Variants in MYO18B observed in about 807,000 individuals in gnomAD.
MYO18B encodes the protein myosin XVIIIB.
In MYO18B, 204 loss-of-function variants were observed where a neutral mutation model predicts 273.0. The observed-to-expected ratio is 0.75, with a 90% confidence interval of 0.67 to 0.84. MYO18B has a LOEUF of 0.84. Among genes scored for constraint, MYO18B ranks in the 40% least tolerant of loss-of-function variants. The probability of loss-of-function intolerance (pLI) is 0.00; values close to 1 mark genes in which losing one functional copy is unlikely to be tolerated. For synonymous variants in MYO18B, 1,330 were observed against 1,305.7 expected, an observed-to-expected ratio of 1.02 and a Z score of -0.40; for missense variants, 3,212 against 3,287.6, an observed-to-expected ratio of 0.98 and a Z score of 0.56.
chr22:25,975,366 G>C (rs1245058323), intron 39 of MYO18B, among the ~76,000 whole-genome samples: 2 of 152,102 alleles, frequency 1.3e-5, no homozygotes, highest in Non-Finnish European at 2.9e-5. Context: ...ATGTTCCGCC[G>C]CTGTGAGCCC....
chr22:25,776,614 AC>A (rs2086924621), intron 7 of MYO18B, among the ~76,000 whole-genome samples: 1 of 152,118 alleles, frequency 6.6e-6, no homozygotes, highest in South Asian at 2.1e-4. Context: ...AAAAACAAAA[AC>A]AAAAACAAAA....
At chr22:25,876,003 CGTGTGTGTGTGTGT>C (rs4049349) in intron 23 of MYO18B, among the ~76,000 whole-genome samples, 172 bp from the exon 24 acceptor site, 30 of 140,014 alleles carry the variant, frequency 2.1e-4, no homozygotes, top group Middle Eastern at 7.2e-3. Flanking sequence ...AAAGGAAGCC[CGTGTGTGTGTGTGT>C]GTGTGTGTGT....
chr22:25,793,889 T>A (rs1454042911), intron 11 of MYO18B, among the ~76,000 whole-genome samples: 1 of 152,214 alleles, frequency 6.6e-6, no homozygotes, highest in African/African-American at 2.4e-5. Context: ...ATACTAATTT[T>A]AAGTGTACAA....
At chr22:25,790,948 C>A (rs1009951215) in intron 11 of MYO18B, among the ~76,000 whole-genome samples, 1 of 152,174 alleles carries the variant, frequency 6.6e-6, no homozygotes, top group African/African-American at 2.4e-5. Flanking sequence ...GTGGACCCAG[C>A]TCAGTGGGTG....
chr22:26,018,539 A>G (rs1021616895), intron 42 of MYO18B, among the ~76,000 whole-genome samples: 12 of 152,202 alleles, frequency 7.9e-5, no homozygotes, highest in Non-Finnish European at 1.5e-4. Context: ...TGCAGATTGA[A>G]TAAGCTAAGA....
intron 10 of MYO18B, 85 bp downstream of exon 10, chr22:25,781,919 C>G: frequency 2.1e-6 from 2 of 946,706 alleles, no homozygotes; most frequent in South Asian, 2.8e-5. Context: ...TAGCTTCTGC[C>G]CAGCACTGAG....
intron 14 of MYO18B, among the ~76,000 whole-genome samples, chr22:25,827,239 G>C (rs2089527835): frequency 6.6e-6 from 1 of 152,200 alleles, no homozygotes; most frequent in Non-Finnish European, 1.5e-5. Flanking sequence ...AAAGCTTGAA[G>C]GGGTAGAACC....
chr22:26,020,367 C>T (rs1408498972), intron 42 of MYO18B, among the ~76,000 whole-genome samples: 1 of 152,052 alleles, frequency 6.6e-6, no homozygotes, highest in Non-Finnish European at 1.5e-5. Flanking sequence ...GAGACACTGT[C>T]TCAGACACTA....
chr22:26,059,831 C>T, the MYO18B span, among the ~76,000 whole-genome samples: 9 of 152,160 alleles, frequency 5.9e-5, no homozygotes, highest in East Asian at 3.9e-4. Context: ...GTGCCTGGAG[C>T]TCTTGGAAGA....
chr22:25,966,663 G>T (rs544952790), intron 39 of MYO18B, among the ~76,000 whole-genome samples: 1 of 152,138 alleles, frequency 6.6e-6, no homozygotes, highest in South Asian at 2.1e-4. Flanking sequence ...CCTCCCGCAT[G>T]CTCAGAGAGC....
intron 1 of MYO18B, among the ~76,000 whole-genome samples, chr22:25,748,429 A>T (rs2085845162): frequency 6.6e-6 from 1 of 152,168 alleles, no homozygotes; most frequent in Non-Finnish European, 1.5e-5. Context: ...CTCTGGTTCC[A>T]AGGAAGAAAC....
intron 12 of MYO18B, among the ~76,000 whole-genome samples, chr22:25,803,152 A>T (rs1441136800): frequency 6.6e-6 from 1 of 151,092 alleles, no homozygotes; most frequent in Non-Finnish European, 1.5e-5. Context: ...TTTAGTAGAG[A>T]CGGGGTTTCA....
rs767796765 is a variant in MYO18B, at chr22:26,026,508, G to T, written c.6534G>T (p.Arg2178=). The T allele has an allele frequency of 1.4e-5, 23 of 1,613,838 alleles. No homozygotes were observed. The South Asian group carries it at 2.4e-4, about 17-fold the overall frequency. Residue 2178 remains arginine, a synonymous_variant, in exon 43 of 44, where the codon CGG becomes CGT. Transcript: ENST00000335473. ...TQSALALSRA[R]STNVHSKTSG... is the part of the protein sequence containing the mutation. ...CGGCATTGGCACTGAGCAGAGCCCG[G>T]TCCACCAATGTCCACAGCAAGACCT...
At chr22:26,046,565 C>T in the MYO18B span, among the ~76,000 whole-genome samples, 8 of 152,226 alleles carry the variant, frequency 5.3e-5, no homozygotes, top group African/African-American at 1.9e-4. Context: ...TCTGCTCCCA[C>T]CACTGCCACT....
rs1043847028 is a variant in MYO18B at position 25,950,217 on chromosome 22, G to C, written c.5749-150G>C. 3 of 615,848 alleles carry C rather than the reference G, an allele frequency of 4.9e-6. No homozygotes were observed. The African/African-American group carries it at 5.6e-5, about 11-fold the overall frequency. The allele number at this position is 615,848 out of a possible 1,614,324, so 38.1% of individuals were successfully genotyped here. Reference sequence around the variant, plus strand: ...GAAAGATGGTGAGGAGGATGTGAGAGGTAATTTTTGGGAAACAGCTATTAT... The same window carrying C: ...GAAAGATGGTGAGGAGGATGTGAGACGTAATTTTTGGGAAACAGCTATTAT... On this transcript the variant is annotated intron_variant, in intron 36 of 43. Coordinates refer to ENST00000335473, the MANE Select transcript of MYO18B (RefSeq NM_032608.7).
intron 3 of MYO18B, among the ~76,000 whole-genome samples, chr22:25,764,930 A>C (rs1056539767): frequency 3.5e-5 from 5 of 141,300 alleles, no homozygotes; most frequent in African/African-American, 1.4e-4. Flanking sequence ...GACCAGATAG[A>C]GGCAGAGCGA....
chr22:25,951,907 C>T lies in MYO18B; in HGVS notation c.5833-379C>T, dbSNP rs368735623. On this transcript the variant is annotated intron_variant, in intron 37 of 43. Coordinates refer to ENST00000335473, the MANE Select transcript of MYO18B (RefSeq NM_032608.7). ...ACTCACACACCAGGCAGAAACCTGG[C>T]TCCCAAACCCACACTTGCTTGTATC... 2.6e-5 allele frequency among the ~76,000 whole-genome samples: 4 copies of T among 152,362 alleles called. No individual in the cohort carries two copies. The East Asian group carries it at 7.7e-4, about 29-fold the overall frequency.
Position 26,027,186 on chromosome 22 carries a change from T to C in MYO18B, c.7212T>C (p.Leu2404=), listed in dbSNP as rs766037330. ...AGCPDLGKEP[L]VFQNRQFAHL... is the part of the protein sequence containing the mutation. ...GTCCAGACCTTGGAAAGGAGCCGCT[T>C]GTTTTCCAGAACCGCCAGTTTGCCC... is the stretch of plus-strand genomic sequence containing the variant. The change falls in exon 43 of 44, where the codon CTT becomes CTC. Residue 2404 remains leucine (L), a synonymous_variant. Transcript: ENST00000335473. This position sits in a 1 kb window ranked among gnomAD's most constrained non-coding sequence, Gnocchi z 4.1. 1.2e-6 allele frequency: 2 copies of C among 1,613,960 alleles called. No individual in the cohort carries two copies. Among genetic ancestry groups the C allele is most frequent in the Non-Finnish European group, 1.7e-6 (2 of 1,179,872 alleles).
At chr22:25,770,042 C>G (rs780537803) in intron 4 of MYO18B, 68 bp from the exon 5 acceptor site, 5 of 1,500,168 alleles carry the variant, frequency 3.3e-6, no homozygotes, top group Non-Finnish European at 4.6e-6. Flanking sequence ...GTGAGAAACC[C>G]CCGTGTAAGG....
Sources: gnomAD v4.1 joint callset for allele counts (sites outside exome capture counted in the v4.1 genomes callset) on GRCh38, gnomAD v4.1.1 for gene constraint, Gnocchi (gnomAD v3.1) non-coding constraint, MANE v1.5 for transcripts, NCBI Gene and HGNC (gene_info 2026-07-23, HGNC 2026-07-21) for gene names.